The following SCN4A variants were observed in gnomAD, a reference collection of about 807,000 sequenced individuals.
The protein encoded by SCN4A is sodium voltage-gated channel alpha subunit 4.
Under a neutral mutation model 162.0 loss-of-function variants are expected in SCN4A, and 83 were observed. That is an observed-to-expected ratio of 0.51 (90% CI 0.43 to 0.61). SCN4A has a LOEUF of 0.61. Ranked by LOEUF, SCN4A falls within the 20% of genes least tolerant of loss-of-function variation. The pLI, the probability that SCN4A is intolerant of heterozygous loss-of-function variation, is 0.00. For synonymous variants in SCN4A, 944 were observed against 985.1 expected (o/e 0.96, Z 0.78); for missense variants, 2,196 against 2,462.5 (o/e 0.89, Z 2.29).
Position 63,966,088 on chromosome 17 carries a change from G to T in SCN4A, c.1242+14C>A, listed in dbSNP as rs758444490. On this transcript the variant is annotated intron_variant, in intron 8 of 23. Coordinates refer to ENST00000435607, the MANE Select transcript of SCN4A (RefSeq NM_000334.4). ...TGGCTGTAGGGTTGGGGGGCAGGGT[G>T]GGGGCAGCTGTACCAGCTGGAAGAG... 2.6e-6 allele frequency: 4 copies of T among 1,565,978 alleles called. No homozygotes were observed. The highest frequency in any genetic ancestry group is 1.3e-5 in the African/African-American group (1 of 74,100).
rs1909438385 is a variant in SCN4A, at chr17:63,966,174, G to A, written c.1170C>T (p.Asp390=). Residue 390 remains aspartate, a synonymous_variant, in exon 8 of 24, where the codon GAC becomes GAT. Transcript: ENST00000435607. ...GAGCCAAGAAGGCCCAGCTGAAGGT[G>A]TCATAGCTGGTGTAGCCATAGTTGG... ...RNPNYGYTSY[D]TFSWAFLALF... 6.3e-7 allele frequency: 1 copy of A among 1,597,008 alleles called. No individual in the cohort carries two copies. The highest frequency in any genetic ancestry group is 8.5e-7 in the Non-Finnish European group (1 of 1,171,758).
Position 63,940,415 on chromosome 17 carries a change from G to A in SCN4A, c.*356C>T, listed in dbSNP as rs992845717. ...ATGGGGGGCAACTGATCCCTCCACC[G>A]CAGGCCAGCTCCTCCTCAAGTGAGG... On this transcript the variant is annotated 3_prime_UTR_variant, in exon 24 of 24. Coordinates refer to ENST00000435607, the MANE Select transcript of SCN4A (RefSeq NM_000334.4). 4 of 251,902 alleles carry A rather than the reference G, an allele frequency of 1.6e-5. No homozygotes were observed. The highest frequency in any genetic ancestry group is 4.5e-5 in the African/African-American group (2 of 44,400). The allele number at this position is 251,902 out of a possible 1,614,324, so 15.6% of individuals were successfully genotyped here.
In SCN4A at chr17:63,950,987, C is replaced by G. The variant is rs1467099024; in HGVS notation, c.2853+437G>C. On this transcript the variant is annotated intron_variant, in intron 14 of 23. Transcript: ENST00000435607. This position sits in a 1 kb window ranked among gnomAD's most constrained non-coding sequence, Gnocchi z 4.6. Reference sequence around the variant, plus strand: ...CCCACACTGGGAGGTTGGGAGCAGACCCAGGTGGGGTCTAAACAGAGATAG... The same window carrying G: ...CCCACACTGGGAGGTTGGGAGCAGAGCCAGGTGGGGTCTAAACAGAGATAG... Among the ~76,000 whole-genome samples, 1 of 152,216 alleles carries G rather than the reference C, an allele frequency of 6.6e-6. No homozygotes were observed. The highest frequency in any genetic ancestry group is 1.5e-5 in the Non-Finnish European group (1 of 68,042).
At chr17:63,955,708 A>G (rs1312802449) in intron 13 of SCN4A, among the ~76,000 whole-genome samples, 1 of 151,950 alleles carries the variant, frequency 6.6e-6, no homozygotes, top group African/African-American at 2.4e-5. Flanking sequence ...TCCTGCCCCA[A>G]AGTTGGGCCC....
At chr17:63,953,684 AG>A (rs199973328) in intron 13 of SCN4A, among the ~76,000 whole-genome samples, 5,951 of 147,130 alleles carry the variant, frequency 0.04, 284 homozygotes, top group African/African-American at 0.11. Context: ...CCTGCCTTGA[AG>A]AAAAAAAAAA....
intron 18 of SCN4A, among the ~76,000 whole-genome samples, chr17:63,946,367 G>A (rs1406443742): frequency 1.3e-5 from 2 of 152,006 alleles, no homozygotes; most frequent in South Asian, 4.1e-4. Context: ...GCTTGGGGGG[G>A]CTCGCCATGG....
chr17:63,970,253 C>T (rs964812396), intron 5 of SCN4A, among the ~76,000 whole-genome samples: 6 of 152,100 alleles, frequency 3.9e-5, no homozygotes, highest in South Asian at 4.1e-4. Flanking sequence ...TGAGCACACA[C>T]GTGTATATCA....
At chr17:63,964,384 G>A in intron 9 of SCN4A, 84 bp downstream of exon 9, 1 of 1,253,524 alleles carries the variant, frequency 8.0e-7, no homozygotes, top group Non-Finnish European at 1.2e-6. Context: ...CTCACCCTCG[G>A]CCCCCCAGGG....
chr17:63,972,390 G>T lies in SCN4A; in HGVS notation c.354C>A (p.Ser118Arg). The T allele has an allele frequency of 6.2e-7, 1 of 1,613,960 alleles. No individual in the cohort carries two copies. Among genetic ancestry groups the T allele is most frequent in the Non-Finnish European group, 8.5e-7 (1 of 1,179,860 alleles). Residue 118 changes from serine (S) to arginine (R), a missense_variant, in exon 2 of 24, where the codon AGC becomes AGA. Physicochemically the swap from Ser to Arg is moderately radical, Grantham distance 110. Transcript: ENST00000435607. This position sits in a 1 kb window ranked among gnomAD's most constrained non-coding sequence, Gnocchi z 4.3. ...CCTTGATGGCCCCGCGCCTGACTACGCTGAAGGGGCTCAGCAGGTAGAGAG... is the reference window on the plus strand; with the variant it reads ...CCTTGATGGCCCCGCGCCTGACTACTCTGAAGGGGCTCAGCAGGTAGAGAG... ...TPALYLLSPF[S>R]VVRRGAIKVL...
rs746340600 is a variant in SCN4A at position 63,945,133 on chromosome 17, C to A, written c.3721-73G>T. The A allele has an allele frequency of 2.8e-5, 42 of 1,499,254 alleles. No individual in the cohort carries two copies. Among genetic ancestry groups the A allele is most frequent in the Non-Finnish European group, 3.8e-5 (41 of 1,084,878 alleles). 92.9% of individuals were successfully genotyped at this position (1,499,254 alleles called of 1,614,324 possible). ...TCATCATCCATGAGTTTCCCTCCCC[C>A]ACCCAACCTGGTCCTCCCCTGCCAG... On this transcript the variant is annotated intron_variant, in intron 19 of 23. Coordinates refer to ENST00000435607, the MANE Select transcript of SCN4A (RefSeq NM_000334.4). The surrounding 1 kb of genome is among the most constrained non-coding windows in gnomAD (Gnocchi z 4.4).
intron 11 of SCN4A, 24 bp downstream of exon 11, chr17:63,961,169 A>AT (rs1464276518): frequency 5.6e-5 from 33 of 585,978 alleles, no homozygotes; most frequent in East Asian, 1.4e-4. Flanking sequence ...CCCATGAATG[A>AT]TCCCCTCCCC....
At chr17:63,971,587 G>C in intron 4 of SCN4A, 135 bp downstream of exon 4, 1 of 781,456 alleles carries the variant, frequency 1.3e-6, no homozygotes, top group Non-Finnish European at 2.1e-6. Context: ...GCAGCTTCTA[G>C]AATTGTGCAG....
chr17:63,966,402 C>T (rs1186368021), intron 7 of SCN4A, 79 bp downstream of exon 7: 6 of 1,451,664 alleles, frequency 4.1e-6, no homozygotes, highest in African/African-American at 1.4e-5. Flanking sequence ...TCCCATGCCC[C>T]CCAGGTCCTC....
At chr17:63,942,464 G>T (rs1391783787) in intron 23 of SCN4A, among the ~76,000 whole-genome samples, 1 of 152,178 alleles carries the variant, frequency 6.6e-6, no homozygotes, top group African/African-American at 2.4e-5. Flanking sequence ...CCTGTCAAGC[G>T]CACAGCACAG....
At position 63,961,381 on chromosome 17, in the gene SCN4A, G is replaced by A; in HGVS notation, c.1657C>T (p.His553Tyr). The change falls in exon 11 of 24, where the codon CAC becomes TAC. Residue 553 changes from histidine to tyrosine, a missense_variant. His to Tyr is a moderately conservative substitution (Grantham distance 83, BLOSUM62 2). Coordinates refer to ENST00000435607, the MANE Select transcript of SCN4A (RefSeq NM_000334.4). ...KCPPWWYKCA[H>Y]KVLIWNCCAP... is the part of the protein sequence containing the mutation. ...CAGCAGTTCCATATGAGCACTTTGT[G>A]GGCGCACTTGTACCACCATGGTGGG... is the stretch of plus-strand genomic sequence containing the variant. 1 of 1,613,804 alleles carries A rather than the reference G, an allele frequency of 6.2e-7. No individual in the cohort carries two copies. Among genetic ancestry groups the A allele is most frequent in the South Asian group, 1.1e-5 (1 of 91,074 alleles).
chr17:63,949,975 C>T (rs745370612), intron 14 of SCN4A, among the ~76,000 whole-genome samples: 8 of 152,272 alleles, frequency 5.3e-5, no homozygotes, highest in African/African-American at 1.9e-4. Flanking sequence ...CCTTCCCACC[C>T]GCAGGGTCTG....
At chr17:63,947,784 G>A (rs527931271) in intron 17 of SCN4A, 106 bp downstream of exon 17, 1 of 1,092,186 alleles carries the variant, frequency 9.2e-7, no homozygotes, top group Non-Finnish European at 1.3e-6. Flanking sequence ...CTGACTCTGG[G>A]GGTGGCCTCG....
In SCN4A at chr17:63,944,877, T is replaced by C. The variant is rs532383048; in HGVS notation, c.3775-67A>G. 5.3e-5 allele frequency: 85 copies of C among 1,599,652 alleles called. No individual in the cohort carries two copies. The South Asian group carries it at 8.7e-4, about 16-fold the overall frequency. On this transcript the variant is annotated intron_variant, in intron 20 of 23. Transcript: ENST00000435607. The surrounding 1 kb of genome is among the most constrained non-coding windows in gnomAD (Gnocchi z 4.3). Reference sequence around the variant, plus strand: ...GGCTTCTCCCTGCCCCCCACAGCCCTGAGGGCAGGACCCATCCACCCCCAG... The same window carrying C: ...GGCTTCTCCCTGCCCCCCACAGCCCCGAGGGCAGGACCCATCCACCCCCAG...
At chr17:63,963,965 G>GTCCCTCCCCCACCT in intron 9 of SCN4A, 140 bp from the exon 10 acceptor site, 1 of 771,798 alleles carries the variant, frequency 1.3e-6, no homozygotes, top group Non-Finnish European at 2.0e-6. Context: ...GTGCAGGTGG[G>GTCCCTCCCCCACCT]GGAGGGACCA....
Sources: gnomAD v4.1 joint callset for allele counts (sites outside exome capture counted in the v4.1 genomes callset) on GRCh38, gnomAD v4.1.1 for gene constraint, Gnocchi (gnomAD v3.1) non-coding constraint, MANE v1.5 for transcripts, NCBI Gene and HGNC (gene_info 2026-07-23, HGNC 2026-07-21) for gene names.